SOCS5: variants seen among roughly 807,000 people sequenced by gnomAD.
SOCS5 encodes the protein CIS-6.
Under a neutral mutation model 42.8 loss-of-function variants are expected in SOCS5, and 32 were observed. The ratio of observed to expected loss-of-function variants is 0.75; its 90% CI spans 0.56 to 1.01. SOCS5 has a LOEUF of 1.01. Among genes scored for constraint, SOCS5 ranks in the 50% least tolerant of loss-of-function variants. SOCS5 has a pLI of 0.00. For synonymous variants in SOCS5, 283 were observed against 229.6 expected (o/e 1.23, Z -2.10); for missense variants, 627 against 653.0 (o/e 0.96, Z 0.43).
chr2:46,731,702 A>T (rs1673129011), intron 1 of SOCS5, among the ~76,000 whole-genome samples: 1 of 152,332 alleles, frequency 6.6e-6, no homozygotes, highest in African/African-American at 2.4e-5. Flanking sequence ...CTATAATGAG[A>T]TGTATACATT....
At chr2:46,723,841 C>T (rs1295308825) in intron 1 of SOCS5, among the ~76,000 whole-genome samples, 1 of 151,998 alleles carries the variant, frequency 6.6e-6, no homozygotes, top group Non-Finnish European at 1.5e-5. Context: ...TGTGTTAAAT[C>T]TGTAGATCAG....
intron 1 of SOCS5, among the ~76,000 whole-genome samples, chr2:46,716,068 C>G (rs1672734306): frequency 6.8e-6 from 1 of 147,700 alleles, no homozygotes; most frequent in African/African-American, 2.5e-5. Context: ...GTCTAATTTG[C>G]TGTTATGCCT....
intron 1 of SOCS5, among the ~76,000 whole-genome samples, chr2:46,722,179 A>G (rs1672898730): frequency 6.6e-6 from 1 of 152,104 alleles, no homozygotes. Context: ...GTTGAAAGAT[A>G]TGCTTGTTTC....
intron 1 of SOCS5, among the ~76,000 whole-genome samples, chr2:46,749,173 G>A (rs78138097): frequency 0.067 from 10,180 of 152,196 alleles, 368 homozygotes; most frequent in Middle Eastern, 0.13. Flanking sequence ...TTTGCCTAAC[G>A]GAAGTAGTCT....
chr2:46,732,872 G>A (rs1673155714), intron 1 of SOCS5, among the ~76,000 whole-genome samples: 1 of 152,148 alleles, frequency 6.6e-6, no homozygotes, highest in South Asian at 2.1e-4. Flanking sequence ...CCAGGGCCAT[G>A]CGAGTTAGTC....
chr2:46,723,561 A>C (rs532366686), intron 1 of SOCS5, among the ~76,000 whole-genome samples: 3 of 152,168 alleles, frequency 2.0e-5, no homozygotes, highest in South Asian at 2.1e-4. Context: ...CCCTTGAGTC[A>C]TCTTGCACTG....
chr2:46,716,882 C>CT (rs1305554217), intron 1 of SOCS5, among the ~76,000 whole-genome samples: 1 of 152,124 alleles, frequency 6.6e-6, no homozygotes, highest in African/African-American at 2.4e-5. Context: ...AGTTTAGGGC[C>CT]TGTTTGGGCC....
At chr2:46,709,103 C>G (rs1449145905) in intron 1 of SOCS5, among the ~76,000 whole-genome samples, 3 of 152,024 alleles carry the variant, frequency 2.0e-5, no homozygotes, top group Non-Finnish European at 4.4e-5. Flanking sequence ...GCCAGACGGT[C>G]TCAATTTCTT....
chr2:46,744,746 T>A (rs1372478594), intron 1 of SOCS5, among the ~76,000 whole-genome samples: 1 of 151,724 alleles, frequency 6.6e-6, no homozygotes, highest in East Asian at 1.9e-4. Flanking sequence ...CAGGCTGGTT[T>A]CAAACTCCTG....
chr2:46,731,725 C>T (rs1298593606), intron 1 of SOCS5, among the ~76,000 whole-genome samples: 1 of 152,140 alleles, frequency 6.6e-6, no homozygotes, highest in Non-Finnish European at 1.5e-5. Flanking sequence ...TAAAAATCAC[C>T]AAGTGTAGGG....
chr2:46,744,584 A>G (rs932931063), intron 1 of SOCS5, among the ~76,000 whole-genome samples: 3 of 151,050 alleles, frequency 2.0e-5, no homozygotes, highest in East Asian at 3.9e-4. Context: ...CTGGAGTGCA[A>G]TGGCACTATC....
intron 1 of SOCS5, among the ~76,000 whole-genome samples, chr2:46,734,983 T>C (rs779973414): frequency 2.9e-4 from 44 of 152,236 alleles, no homozygotes; most frequent in Middle Eastern, 3.2e-3. Flanking sequence ...CTTTGCGGTA[T>C]CTGCCTGAAA....
chr2:46,744,346 T>C (rs898158532), intron 1 of SOCS5, among the ~76,000 whole-genome samples: 1 of 152,134 alleles, frequency 6.6e-6, no homozygotes, highest in African/African-American at 2.4e-5. Flanking sequence ...TTTGATAAAC[T>C]CTTAAGAAGT....
chr2:46,710,583 C>CT (rs1672596624), intron 1 of SOCS5, among the ~76,000 whole-genome samples: 1 of 151,964 alleles, frequency 6.6e-6, no homozygotes, highest in Non-Finnish European at 1.5e-5. Flanking sequence ...AAAAAAAACT[C>CT]TAAGCAAACT....
At chr2:46,751,086 A>G (rs1316562039) in intron 1 of SOCS5, among the ~76,000 whole-genome samples, 7 of 152,252 alleles carry the variant, frequency 4.6e-5, no homozygotes, top group African/African-American at 1.2e-4. Context: ...TTGAAGTCCA[A>G]GTTGTTATTA....
chr2:46,730,701 A>G (rs1432767877), intron 1 of SOCS5, among the ~76,000 whole-genome samples: 2 of 152,350 alleles, frequency 1.3e-5, no homozygotes, highest in East Asian at 1.9e-4. Flanking sequence ...GCATATTCCT[A>G]GAAGACATTT....
chr2:46,727,220 C>G (rs1673018351), intron 1 of SOCS5, among the ~76,000 whole-genome samples: 1 of 141,374 alleles, frequency 7.1e-6, no homozygotes, highest in Non-Finnish European at 1.5e-5. Context: ...ACGATCTCAG[C>G]TCACTGCAAG....
intron 1 of SOCS5, among the ~76,000 whole-genome samples, chr2:46,710,567 C>A (rs567061523): frequency 2.6e-5 from 4 of 151,934 alleles, no homozygotes; most frequent in African/African-American, 9.7e-5. Flanking sequence ...TAAATGTCCA[C>A]TTGTGAAAAA....
intron 1 of SOCS5, among the ~76,000 whole-genome samples, chr2:46,702,286 C>T (rs1448612859): frequency 1.3e-5 from 2 of 152,090 alleles, no homozygotes; most frequent in South Asian, 4.1e-4. Flanking sequence ...GAAAAATGCA[C>T]GATCAAATCA....
Sources: gnomAD v4.1 joint callset for allele counts (sites outside exome capture counted in the v4.1 genomes callset) on GRCh38, gnomAD v4.1.1 for gene constraint, MANE v1.5 for transcripts, NCBI Gene and HGNC (gene_info 2026-07-23, HGNC 2026-07-21) for gene names.